The following ERGIC3 variants were observed in gnomAD, a reference collection of about 807,000 sequenced individuals.
ERGIC3 encodes the protein ERGIC and golgi 3.
ERGIC3 carries 33 observed loss-of-function variants against 54.7 expected under a neutral mutation model. The observed-to-expected ratio is 0.60, with a 90% CI of 0.46 to 0.81. The LOEUF (loss-of-function observed/expected upper bound fraction) is 0.81, where lower values mean the gene tolerates loss of function less well. Among genes scored for constraint, ERGIC3 ranks in the 30% least tolerant of loss-of-function variants. ERGIC3 has a pLI of 0.00. For synonymous variants in ERGIC3, 186 were observed against 189.8 expected (o/e 0.98, Z 0.16); for missense variants, 399 against 488.4 (o/e 0.82, Z 1.73).
At chr20:35,555,010 C>T (rs966344979) in intron 7 of ERGIC3, 34 bp from the exon 8 acceptor site, 55 of 1,613,446 alleles carry the variant, frequency 3.4e-5, no homozygotes, top group South Asian at 1.3e-4. Flanking sequence ...CTACTAATGA[C>T]GCCTTCTCCC....
chr20:35,550,763 C>T (rs148479844), intron 7 of ERGIC3, among the ~76,000 whole-genome samples: 130 of 152,282 alleles, frequency 8.5e-4, no homozygotes, highest in African/African-American at 2.9e-3. Flanking sequence ...GACTTAAAAG[C>T]TCTCCAGCTG....
rs1426891373 is a variant in ERGIC3, at chr20:35,548,575, A to G, written c.528A>G (p.Pro176=). 8 of 1,614,128 alleles carry G rather than the reference A, an allele frequency of 5.0e-6. No homozygotes were observed. The highest frequency in any genetic ancestry group is 6.8e-6 in the Non-Finnish European group (8 of 1,180,050). Residue 176 remains proline (P), a synonymous_variant, in exon 6 of 13, where the codon CCA becomes CCG. Coordinates refer to ENST00000348547, the MANE Select transcript of ERGIC3 (RefSeq NM_015966.3). ...GTAGAGGCTGGGCCTTCAAGAACCC[A>G]GATACTATTGAGCAGTGCCGGCGAG... The part of the protein sequence containing the change: ...YRRRGWAFKN[P]DTIEQCRREG...
Position 35,548,613 on chromosome 20 carries a change from A to G in ERGIC3, c.566A>G (p.Gln189Arg). ...IEQCRREGFS[Q>R]KMQEQKNEGC... is the part of the protein sequence containing the mutation. ...CAGTGCCGGCGAGAGGGCTTCAGCC[A>G]GAAGATGCAGGAGCAGAAGAATGAA... The change falls in exon 6 of 13, where the codon CAG (glutamine) becomes CGG (arginine). Residue 189 changes from glutamine (Q) to arginine (R), a missense_variant. Coordinates refer to ENST00000348547, the MANE Select transcript of ERGIC3 (RefSeq NM_015966.3). The G allele has an allele frequency of 6.2e-7, 1 of 1,614,254 alleles. No homozygotes were observed. The highest frequency in any genetic ancestry group is 8.5e-7 in the Non-Finnish European group (1 of 1,180,044).
chr20:35,546,343 G>A (rs1001648713), intron 4 of ERGIC3, among the ~76,000 whole-genome samples: 3 of 152,194 alleles, frequency 2.0e-5, no homozygotes, highest in African/African-American at 7.2e-5. Flanking sequence ...TGGTGGGTTT[G>A]GTGGTGAGAG....
chr20:35,547,428 G>A lies in ERGIC3; in HGVS notation c.384G>A (p.Glu128=), dbSNP rs767132794. Residue 128 remains glutamate, a synonymous_variant, in exon 5 of 13, where the codon GAG becomes GAA. Coordinates refer to ENST00000348547, the MANE Select transcript of ERGIC3 (RefSeq NM_015966.3). ...TCCCCTTAGAGCTTGGGAAAGTCGA[G>A]GTGACGGTGTTTGACCCTGACTCCC... ...EAERHELGKV[E]VTVFDPDSLD... 9.3e-6 allele frequency: 15 copies of A among 1,614,142 alleles called. No homozygotes were observed. The East Asian group carries it at 3.3e-4, about 36-fold the overall frequency.
At chr20:35,548,107 T>C (rs1489700721) in intron 5 of ERGIC3, among the ~76,000 whole-genome samples, 5 of 152,192 alleles carry the variant, frequency 3.3e-5, no homozygotes, top group African/African-American at 1.2e-4. Flanking sequence ...ATTAGGTATC[T>C]TCACAGTGTC....
intron 4 of ERGIC3, among the ~76,000 whole-genome samples, chr20:35,546,669 G>A (rs748067204): frequency 6.6e-6 from 1 of 152,178 alleles, no homozygotes. Flanking sequence ...TGGACCATGG[G>A]ATTTCAGGAG....
rs544725646 is a variant in ERGIC3, at chr20:35,553,800, G to A, written c.686-1244G>A. On this transcript the variant is annotated intron_variant, in intron 7 of 12. Coordinates refer to ENST00000348547, the MANE Select transcript of ERGIC3 (RefSeq NM_015966.3). ...TCAAGCTGTTGGCACAAGGTCTGGC[G>A]GGCACTCAGTAGACACACAGCCAGA... Among the ~76,000 whole-genome samples, 63 of 152,306 alleles carry A rather than the reference G, an allele frequency of 4.1e-4. 1 individual carries two copies. The highest frequency in any genetic ancestry group is 3.3e-3 in the Admixed American group (50 of 15,292).
At chr20:35,544,060 A>ATCTATCTG (rs1012051549) in intron 4 of ERGIC3, 1 of 171,088 alleles carries the variant, frequency 5.8e-6, no homozygotes, top group East Asian at 1.6e-4. Context: ...CTATCTATCT[A>ATCTATCTG]TCTGTCTATC....
Position 35,555,863 on chromosome 20 carries a change from G to C in ERGIC3, c.718-170G>C, listed in dbSNP as rs2146207395. On this transcript the variant is annotated intron_variant, in intron 8 of 12. Transcript: ENST00000348547. The stretch of plus-strand genomic sequence containing the variant: ...CTGGAACCCCAGGAGTTTGCAGGCT[G>C]TGGAAGGAGGAGTTTCTAGGCAGGG... Among the ~76,000 whole-genome samples the C allele has an allele frequency of 2.6e-5, 4 of 151,516 alleles. No individual in the cohort carries two copies. The Middle Eastern group carries it at 0.014, about 522-fold the overall frequency.
At position 35,557,508 on chromosome 20, in the gene ERGIC3, C is replaced by T. The variant is rs1350162086; in HGVS notation, c.*4C>T. 4.3e-6 allele frequency: 7 copies of T among 1,613,680 alleles called. No individual in the cohort carries two copies. Among genetic ancestry groups the T allele is most frequent in the Non-Finnish European group, 5.9e-6 (7 of 1,179,674 alleles). On this transcript the variant is annotated 3_prime_UTR_variant, in exon 13 of 13. Transcript: ENST00000348547. ...TGATCTAGGGAAGACAACGTAGTCACCCTCGGTGCTTCCTCTGTCTCCTCT... is the reference window on the plus strand; with the variant it reads ...TGATCTAGGGAAGACAACGTAGTCATCCTCGGTGCTTCCTCTGTCTCCTCT...
chr20:35,556,470 T>C, intron 10 of ERGIC3, 199 bp downstream of exon 10: 1 of 609,398 alleles, frequency 1.6e-6, no homozygotes, highest in Non-Finnish European at 2.9e-6. Flanking sequence ...AAGCGCCTGC[T>C]CTTTCTGCTG....
At chr20:35,551,072 GC>G (rs1213889936) in intron 7 of ERGIC3, among the ~76,000 whole-genome samples, 3 of 152,100 alleles carry the variant, frequency 2.0e-5, no homozygotes, top group African/African-American at 7.2e-5. Flanking sequence ...CAGGTGGATT[GC>G]CTGAGCTGAG....
intron 4 of ERGIC3, chr20:35,544,508 G>A (rs1166349155): frequency 7.0e-6 from 2 of 286,682 alleles, no homozygotes; most frequent in South Asian, 4.4e-5. Context: ...TAGTGCGGAT[G>A]TGCGTCCCCA....
chr20:35,548,481 ACT>A, intron 5 of ERGIC3, 26 bp from the exon 6 acceptor site: 1 of 1,610,104 alleles, frequency 6.2e-7, no homozygotes. Context: ...CCTCTTTAAC[ACT>A]CTCACCGTCA....
Position 35,547,592 on chromosome 20 carries a change from G to A in ERGIC3, c.461+87G>A, listed in dbSNP as rs527683953. The A allele has an allele frequency of 3.2e-6, 4 of 1,239,064 alleles. No homozygotes were observed. The African/African-American group carries it at 5.9e-5, about 18-fold the overall frequency. The allele number at this position is 1,239,064 out of a possible 1,614,324, so 76.8% of individuals were successfully genotyped here. On this transcript the variant is annotated intron_variant, in intron 5 of 12. Coordinates refer to ENST00000348547, the MANE Select transcript of ERGIC3 (RefSeq NM_015966.3). ...CCTCAGTCAGACTGTGGCAGGTGGG[G>A]AGGTCAGACCAAGAATCTAGAGTGG... is the stretch of plus-strand genomic sequence containing the variant.
chr20:35,554,755 C>G, intron 7 of ERGIC3: 1 of 595,356 alleles, frequency 1.7e-6, no homozygotes, highest in South Asian at 2.0e-5. Context: ...GGTTTTGTTT[C>G]CGGAGATGCA....
chr20:35,555,211 C>A, intron 8 of ERGIC3, 136 bp downstream of exon 8: 2 of 1,067,420 alleles, frequency 1.9e-6, no homozygotes, highest in Non-Finnish European at 1.4e-6. Context: ...GGGGATCCAG[C>A]CTGAGGGTTA....
chr20:35,547,875 T>C (rs1399655313), intron 5 of ERGIC3, among the ~76,000 whole-genome samples: 1 of 152,206 alleles, frequency 6.6e-6, no homozygotes, highest in Non-Finnish European at 1.5e-5. Flanking sequence ...GGATTAGCTG[T>C]ATACTGTGTG....
Sources: gnomAD v4.1 joint callset for allele counts (sites outside exome capture counted in the v4.1 genomes callset) on GRCh38, gnomAD v4.1.1 for gene constraint, MANE v1.5 for transcripts, NCBI Gene and HGNC (gene_info 2026-07-23, HGNC 2026-07-21) for gene names.